The following MEGF11 variants were observed in gnomAD, a reference collection of about 807,000 sequenced individuals.
MEGF11 encodes the protein multiple epidermal growth factor-like domains protein 11.
In MEGF11, 126 loss-of-function variants were observed where a neutral mutation model predicts 146.6. The ratio of observed to expected loss-of-function variants is 0.86; its 90% CI spans 0.74 to 1.00. The LOEUF (loss-of-function observed/expected upper bound fraction) is 1.00, where lower values mean the gene tolerates loss of function less well. Ranked by LOEUF, MEGF11 falls within the 50% of genes least tolerant of loss-of-function variation. The probability of loss-of-function intolerance (pLI) is 0.00; values close to 1 mark genes in which losing one functional copy is unlikely to be tolerated. For synonymous variants in MEGF11, 532 were observed against 583.4 expected (o/e 0.91, Z 1.27); for missense variants, 1,509 against 1,521.2 (o/e 0.99, Z 0.13).
chr15:66,137,918 G>C (rs1053957180), intron 1 of MEGF11, among the ~76,000 whole-genome samples: 1 of 152,038 alleles, frequency 6.6e-6, no homozygotes, highest in African/African-American at 2.4e-5. Context: ...AACCAGCCAG[G>C]CACAGTGATG....
At chr15:66,028,741 T>G (rs776759944) in intron 5 of MEGF11, among the ~76,000 whole-genome samples, 7 of 152,166 alleles carry the variant, frequency 4.6e-5, no homozygotes, top group Non-Finnish European at 7.3e-5. Flanking sequence ...AACTATGTTA[T>G]GTGGAAAAAA....
intron 10 of MEGF11, among the ~76,000 whole-genome samples, chr15:65,932,408 C>T (rs2079611266): frequency 6.6e-6 from 1 of 152,116 alleles, no homozygotes; most frequent in African/African-American, 2.4e-5. Context: ...TGGGCGTCCA[C>T]TCTACCGGTA....
rs115866640 is a variant in MEGF11, at chr15:65,916,620, A to G, written c.2215+208T>C. The G allele has an allele frequency of 4.9e-3, 4,492 of 911,068 alleles. 132 individuals carry two copies. The African/African-American group carries it at 0.063, about 13-fold the overall frequency. 56.4% of individuals were successfully genotyped at this position (911,068 alleles called of 1,614,324 possible). The stretch of plus-strand genomic sequence containing the variant: ...TACCTTGCAGCCCTGACCTTCCAGG[A>G]CTTTGGGCTTGTCAATCCCCTGAAT... On this transcript the variant is annotated intron_variant, in intron 17 of 25. Transcript: ENST00000395614.
At chr15:66,183,714 C>T (rs2090617516) in intron 1 of MEGF11, among the ~76,000 whole-genome samples, 1 of 152,052 alleles carries the variant, frequency 6.6e-6, no homozygotes, top group Admixed American at 6.6e-5. Flanking sequence ...TTCTCAGACA[C>T]CTGGGGATCG....
chr15:66,152,417 G>A (rs774427542), intron 1 of MEGF11, among the ~76,000 whole-genome samples: 5 of 152,078 alleles, frequency 3.3e-5, no homozygotes, highest in African/African-American at 4.8e-5. Context: ...GGGACTTTGC[G>A]GTGTAAGTCA....
intron 1 of MEGF11, among the ~76,000 whole-genome samples, chr15:66,186,760 A>G (rs139907842): frequency 0.018 from 2,784 of 152,364 alleles, 33 homozygotes; most frequent in Non-Finnish European, 0.027. Context: ...GAGATGGTCT[A>G]GACAGGTTTT....
rs117633565 is a variant in MEGF11 at position 66,145,899 on chromosome 15, T to C, written c.-8-17488A>G. 1.1e-3 allele frequency among the ~76,000 whole-genome samples: 163 copies of C among 152,238 alleles called. 1 individual carries two copies. The Middle Eastern group carries it at 0.017, about 16-fold the overall frequency. Reference sequence around the variant, plus strand: ...TATCCATTGTGAAAATTAAATGAGATAATTACACACGGTATCTGGAACATT... The same window carrying C: ...TATCCATTGTGAAAATTAAATGAGACAATTACACACGGTATCTGGAACATT... On this transcript the variant is annotated intron_variant, in intron 1 of 25. Transcript: ENST00000395614.
At chr15:66,234,390 G>T (rs546144201) in intron 1 of MEGF11, among the ~76,000 whole-genome samples, 2 of 152,354 alleles carry the variant, frequency 1.3e-5, no homozygotes, top group Non-Finnish European at 1.5e-5. Context: ...TAGCCAAAGA[G>T]AATGTCAACT....
chr15:65,940,266 C>T (rs1024047230), intron 10 of MEGF11, among the ~76,000 whole-genome samples: 3 of 152,090 alleles, frequency 2.0e-5, no homozygotes, highest in Non-Finnish European at 4.4e-5. Context: ...AATGCCGCAT[C>T]CATGCCAGCA....
At chr15:65,929,409 T>C (rs1157324971) in intron 12 of MEGF11, among the ~76,000 whole-genome samples, 1 of 152,164 alleles carries the variant, frequency 6.6e-6, no homozygotes, top group African/African-American at 2.4e-5. Flanking sequence ...AGCACTGGGT[T>C]GTGAAGGAAT....
intron 4 of MEGF11, among the ~76,000 whole-genome samples, chr15:66,098,919 A>C (rs2086662566): frequency 6.6e-6 from 1 of 152,210 alleles, no homozygotes; most frequent in Non-Finnish European, 1.5e-5. Flanking sequence ...CATTCTTTAC[A>C]GTTCCCAGCC....
At chr15:66,004,817 C>G (rs146656423) in intron 5 of MEGF11, among the ~76,000 whole-genome samples, 44 of 152,314 alleles carry the variant, frequency 2.9e-4, no homozygotes, top group African/African-American at 1.0e-3. Context: ...CCAGGGCTAG[C>G]GTATTTCTGC....
At chr15:65,923,037 G>T in intron 13 of MEGF11, 68 bp from the exon 14 acceptor site, 1 of 1,539,110 alleles carries the variant, frequency 6.5e-7, no homozygotes. Context: ...ATGGAGGGAA[G>T]GGGGACAGTG....
intron 1 of MEGF11, among the ~76,000 whole-genome samples, chr15:66,220,376 G>A (rs2091703031): frequency 6.6e-6 from 1 of 151,910 alleles, no homozygotes; most frequent in Admixed American, 6.6e-5. Context: ...GTGAAAAAAA[G>A]CCAGTCTCGA....
chr15:66,077,081 G>A (rs1567229779), intron 5 of MEGF11, among the ~76,000 whole-genome samples: 1 of 152,212 alleles, frequency 6.6e-6, no homozygotes. Context: ...GGCTCCCCAT[G>A]CCCACAGAAT....
intron 5 of MEGF11, among the ~76,000 whole-genome samples, chr15:65,989,028 A>G (rs2081954210): frequency 6.7e-6 from 1 of 148,786 alleles, no homozygotes. Flanking sequence ...AGTTTTAAGA[A>G]ACACTCTTGC....
At chr15:66,095,825 G>A (rs1319856329) in intron 4 of MEGF11, among the ~76,000 whole-genome samples, 1 of 152,308 alleles carries the variant, frequency 6.6e-6, no homozygotes, top group Non-Finnish European at 1.5e-5. Context: ...TAGCCTTCGG[G>A]GAGGGTTGTG....
At chr15:66,102,433 CTTTT>C (rs753433380) in intron 4 of MEGF11, among the ~76,000 whole-genome samples, 2 of 130,318 alleles carry the variant, frequency 1.5e-5, no homozygotes, top group Non-Finnish European at 3.2e-5. Context: ...TAAACATTTT[CTTTT>C]TTTTTTTTTT....
chr15:66,059,574 C>CG (rs1308071865), intron 5 of MEGF11, among the ~76,000 whole-genome samples: 37 of 152,110 alleles, frequency 2.4e-4, no homozygotes, highest in Admixed American at 2.0e-3. Flanking sequence ...CCAGCCCTCC[C>CG]GCCCCTGCCC....
Sources: allele counts gnomAD v4.1 joint callset (sites outside exome capture counted in the v4.1 genomes callset), GRCh38; gene constraint gnomAD v4.1.1; transcripts MANE v1.5; gene names NCBI Gene and HGNC (gene_info 2026-07-23, HGNC 2026-07-21).